The following ERG variants were observed in gnomAD, a reference collection of about 807,000 sequenced individuals.
ERG encodes the protein transcriptional regulator ERG.
In ERG, 9 loss-of-function variants were observed where a neutral mutation model predicts 55.3. The ratio of observed to expected loss-of-function variants is 0.16; its 90% CI spans 0.10 to 0.28. The LOEUF is 0.28. ERG is among the 10% of genes least tolerant of loss of function. The pLI is 1.00. For synonymous variants in ERG, 223 were observed against 237.3 expected (o/e 0.94, Z 0.55); for missense variants, 434 against 631.6 (o/e 0.69, Z 3.35).
intron 2 of ERG, among the ~76,000 whole-genome samples, chr21:38,438,907 A>G (rs984425591): frequency 6.6e-6 from 1 of 152,204 alleles, no homozygotes; most frequent in Admixed American, 6.5e-5. Flanking sequence ...GCTGCCACCC[A>G]GGTCTCTTCC....
upstream of ERG, among the ~76,000 whole-genome samples, chr21:38,498,732 G>A (rs1351884122): frequency 6.6e-6 from 1 of 152,120 alleles, no homozygotes; most frequent in African/African-American, 2.4e-5. The surrounding 1 kb of genome is among the most constrained non-coding windows in gnomAD (Gnocchi z 4.6). Context: ...ACACTGCACT[G>A]AGACCAAGGC....
chr21:38,550,315 A>C (rs1356140054), intron 2 of ERG, among the ~76,000 whole-genome samples: 2 of 152,066 alleles, frequency 1.3e-5, no homozygotes, highest in South Asian at 4.1e-4. Context: ...GGAGTAATAG[A>C]TGGAGGCCCA....
chr21:38,636,592 C>CTTTA, intron 1 of ERG, among the ~76,000 whole-genome samples: 1 of 152,306 alleles, frequency 6.6e-6, no homozygotes, highest in African/African-American at 2.4e-5. Flanking sequence ...AAAGCTGGAA[C>CTTTA]TATAAAAGCC....
rs146912972 is a variant in ERG at position 38,544,264 on chromosome 21, G to A, written c.-41+31398C>T. On this transcript the variant is annotated intron_variant, in intron 2 of 8. Coordinates refer to the ERG transcript ENST00000398897. The stretch of plus-strand genomic sequence containing the variant: ...AGGAGATGAGGCTGAAGAAGTAACC[G>A]GGATCAGGTGGTTAGGGCCCTCAGG... 2.2e-4 allele frequency among the ~76,000 whole-genome samples: 34 copies of A among 152,322 alleles called. No homozygotes were observed. The East Asian group carries it at 4.0e-3, about 18-fold the overall frequency.
intron 1 of ERG, among the ~76,000 whole-genome samples, chr21:38,463,486 G>A (rs2059061787): frequency 6.6e-6 from 1 of 152,190 alleles, no homozygotes; most frequent in South Asian, 2.1e-4. Flanking sequence ...GCCTGTAAGT[G>A]TCCACATATC....
downstream of ERG, among the ~76,000 whole-genome samples, chr21:38,379,204 C>T (rs1987322188): frequency 6.6e-6 from 1 of 152,218 alleles, no homozygotes. Context: ...ATCTCAGCCC[C>T]ATGGCATTTG....
At chr21:38,602,002 A>T (rs2060167181) in intron 1 of ERG, among the ~76,000 whole-genome samples, 1 of 152,050 alleles carries the variant, frequency 6.6e-6, no homozygotes, top group South Asian at 2.1e-4. Flanking sequence ...AAAGAAGCAT[A>T]TTTCATAAAG....
At chr21:38,508,029 G>GCACACACACAGACACACACATA (rs2059481735) in intron 2 of ERG, among the ~76,000 whole-genome samples, 1 of 2,472 alleles carries the variant, frequency 4.0e-4, no homozygotes, top group Non-Finnish European at 1.5e-3. Context: ...AAACACACAT[G>GCACACACACAGACACACACATA]CACACAAAGA....
chr21:38,593,223 A>G (rs529993323), intron 1 of ERG, among the ~76,000 whole-genome samples: 2 of 152,338 alleles, frequency 1.3e-5, no homozygotes, highest in South Asian at 4.1e-4. Flanking sequence ...TAAAAACGAG[A>G]GATCTGAAGG....
rs188214594 is a variant in ERG at position 38,534,292 on chromosome 21, A to G, written c.-41+41370T>C. Among the ~76,000 whole-genome samples the G allele has an allele frequency of 9.2e-5, 14 of 152,080 alleles. No homozygotes were observed. The East Asian group carries it at 2.3e-3, about 25-fold the overall frequency. On this transcript the variant is annotated intron_variant, in intron 2 of 8. Coordinates refer to the ERG transcript ENST00000398897. ...ATTTGTGATTTTTTTTAATGTCACAATTTTTCTTTTTAAGGTTTGGGAGAG... is the reference window on the plus strand; with the variant it reads ...ATTTGTGATTTTTTTTAATGTCACAGTTTTTCTTTTTAAGGTTTGGGAGAG...
chr21:38,505,903 G>A (rs1036258798), intron 2 of ERG, among the ~76,000 whole-genome samples: 1 of 152,184 alleles, frequency 6.6e-6, no homozygotes, highest in Non-Finnish European at 1.5e-5. Context: ...GGCCTTTAGA[G>A]AGAATACTAG....
At chr21:38,591,105 G>T (rs2060097905) in intron 1 of ERG, among the ~76,000 whole-genome samples, 1 of 152,178 alleles carries the variant, frequency 6.6e-6, no homozygotes, top group African/African-American at 2.4e-5. Flanking sequence ...AGCAGTCAGA[G>T]CATAAGGAGG....
chr21:38,600,939 C>A (rs78408144), intron 1 of ERG, among the ~76,000 whole-genome samples: 46 of 152,268 alleles, frequency 3.0e-4, no homozygotes, highest in South Asian at 8.3e-4. Flanking sequence ...TCTAACCCCC[C>A]CTGGAAATCT....
intron 3 of ERG, among the ~76,000 whole-genome samples, chr21:38,409,459 C>T (rs1201641061): frequency 1.4e-5 from 2 of 139,990 alleles, no homozygotes; most frequent in African/African-American, 5.4e-5. Context: ...CTCCAGAAGC[C>T]TGGGCAACAA....
intron 1 of ERG, among the ~76,000 whole-genome samples, chr21:38,654,565 G>A (rs895089734): frequency 1.9e-4 from 29 of 152,162 alleles, no homozygotes; most frequent in African/African-American, 6.5e-4. Context: ...AGGGCCTTTA[G>A]GTAAGGTTTC....
Position 38,392,389 on chromosome 21 carries a change from C to A in ERG, c.801G>T (p.Thr267=), listed in dbSNP as rs779857828. 1 of 1,566,634 alleles carries A rather than the reference C, an allele frequency of 6.4e-7. No individual in the cohort carries two copies. Among genetic ancestry groups the A allele is most frequent in the East Asian group, 2.4e-5 (1 of 42,358 alleles). Residue 267 remains threonine, a synonymous_variant, in exon 7 of 10, where the codon ACG becomes ACT. Coordinates refer to ENST00000288319, the MANE Select transcript of ERG (RefSeq NM_182918.4). ...CCAACACTGTACCTTTCGACTGGGG[C>A]GTGGGGTGGCCGTGACCGGTCCAGG... ...RSAWTGHGHP[T]PQSKAAQPSP... is the part of the protein sequence containing the mutation.
At chr21:38,414,307 A>G (rs1466696104) in intron 3 of ERG, among the ~76,000 whole-genome samples, 1 of 152,186 alleles carries the variant, frequency 6.6e-6, no homozygotes, top group African/African-American at 2.4e-5. Context: ...GCTCACCCTA[A>G]TGACCTCATC....
chr21:38,575,165 G>T (rs1452384940), intron 2 of ERG, among the ~76,000 whole-genome samples: 3 of 152,118 alleles, frequency 2.0e-5, no homozygotes, highest in Non-Finnish European at 4.4e-5. Context: ...ATAAAACAAC[G>T]TTCCAACATC....
intron 2 of ERG, among the ~76,000 whole-genome samples, chr21:38,533,656 G>A (rs1237855894): frequency 1.3e-5 from 2 of 152,132 alleles, no homozygotes; most frequent in African/African-American, 4.8e-5. Flanking sequence ...CTTGCCTGGG[G>A]TATATCATGT....
Sources: gnomAD v4.1 joint callset for allele counts (sites outside exome capture counted in the v4.1 genomes callset) on GRCh38, gnomAD v4.1.1 for gene constraint, Gnocchi (gnomAD v3.1) non-coding constraint, MANE v1.5 for transcripts, NCBI Gene and HGNC (gene_info 2026-07-23, HGNC 2026-07-21) for gene names.